ITGA2: variants seen among roughly 807,000 people sequenced by gnomAD.
ITGA2 encodes the protein integrin subunit alpha 2.
Under a neutral mutation model 146.3 loss-of-function variants are expected in ITGA2, and 101 were observed. That is an observed-to-expected ratio of 0.69 (90% CI 0.59 to 0.81). The LOEUF (loss-of-function observed/expected upper bound fraction) is 0.81, where lower values mean the gene tolerates loss of function less well. Among genes scored for constraint, ITGA2 ranks in the 40% least tolerant of loss-of-function variants. ITGA2 has a pLI of 0.00. For synonymous variants in ITGA2, 477 were observed against 487.1 expected (o/e 0.98, Z 0.27); for missense variants, 1,281 against 1,402.7 (o/e 0.91, Z 1.39).
In ITGA2 at chr5:53,070,094, T is replaced by A; in HGVS notation, c.2084-15T>A. 1 of 1,561,140 alleles carries A rather than the reference T, an allele frequency of 6.4e-7. No individual in the cohort carries two copies. Among genetic ancestry groups the A allele is most frequent in the Non-Finnish European group, 8.7e-7 (1 of 1,150,694 alleles). ...GATTTGAAATAACATTTCTTTATGATTTTTTTTATCATAGCCATTGTATAT... is the reference window on the plus strand; with the variant it reads ...GATTTGAAATAACATTTCTTTATGAATTTTTTTATCATAGCCATTGTATAT... On this transcript the variant is annotated splice_polypyrimidine_tract_variant and intron_variant, in intron 16 of 29. Coordinates refer to ENST00000296585, the MANE Select transcript of ITGA2 (RefSeq NM_002203.4).
At chr5:53,083,921 T>C (rs1324313328) in intron 27 of ITGA2, among the ~76,000 whole-genome samples, 1 of 152,230 alleles carries the variant, frequency 6.6e-6, no homozygotes, top group African/African-American at 2.4e-5. Flanking sequence ...CATAAAGATA[T>C]GTCTTCCTAT....
At position 53,039,739 on chromosome 5, in the gene ITGA2, C is replaced by CAA. The variant is rs1175067104; in HGVS notation, c.186-2349_186-2348dup. ...TAGGCAACAGAGTGAGACTCCATCT[C>CAA]AAAAAAAAAAAAAAAAAAAAAAAAA... is the stretch of plus-strand genomic sequence containing the variant. On this transcript the variant is annotated intron_variant, in intron 2 of 29. Coordinates refer to ENST00000296585, the MANE Select transcript of ITGA2 (RefSeq NM_002203.4). Among the ~76,000 whole-genome samples the CAA allele has an allele frequency of 6.5e-3, 215 of 33,082 alleles. 14 individuals are homozygous for CAA. The highest frequency in any genetic ancestry group is 0.017 in the Middle Eastern group (1 of 58). 21.7% of individuals were successfully genotyped at this position (33,082 alleles called of 152,430 possible).
chr5:53,033,302 A>G (rs3776787), intron 2 of ITGA2, among the ~76,000 whole-genome samples: 42,133 of 151,666 alleles, frequency 0.28, 5,920 homozygotes, highest in Admixed American at 0.32. Flanking sequence ...ACCTCTTCCT[A>G]TCCCCTCAAC....
intron 28 of ITGA2, 51 bp from the exon 29 acceptor site, chr5:53,089,895 C>T (rs1740329587): frequency 2.9e-6 from 3 of 1,050,168 alleles, no homozygotes; most frequent in Admixed American, 1.7e-5. Context: ...AGACCATCTC[C>T]CCCCTTTTTT....
chr5:53,020,843 G>A (rs1742646079), intron 1 of ITGA2, among the ~76,000 whole-genome samples: 1 of 149,940 alleles, frequency 6.7e-6, no homozygotes, highest in Non-Finnish European at 1.5e-5. Context: ...CACCATGTCC[G>A]GCTAATTTTT....
intron 1 of ITGA2, among the ~76,000 whole-genome samples, chr5:53,017,059 A>G (rs897124930): frequency 6.6e-6 from 1 of 152,038 alleles, no homozygotes; most frequent in East Asian, 1.9e-4. Flanking sequence ...CTTCATTTCT[A>G]TTCATATTGT....
Position 53,067,217 on chromosome 5 carries a change from C to T in ITGA2, c.2043C>T (p.Phe681=). Residue 681 remains phenylalanine, a synonymous_variant, in exon 16 of 30, where the codon TTC becomes TTT. Transcript: ENST00000296585. ...KNAQIILKLC[F]SAKFRPTKQN... Reference sequence around the variant, plus strand: ...CTCAGATAATTCTCAAACTCTGCTTCAGTGCAAAGTTCAGACCTACTAAGC... The same window carrying T: ...CTCAGATAATTCTCAAACTCTGCTTTAGTGCAAAGTTCAGACCTACTAAGC... 2 of 1,611,660 alleles carry T rather than the reference C, an allele frequency of 1.2e-6. No individual in the cohort carries two copies. Among genetic ancestry groups the T allele is most frequent in the Non-Finnish European group, 1.7e-6 (2 of 1,178,692 alleles).
chr5:53,023,533 G>A (rs978653628), intron 1 of ITGA2, among the ~76,000 whole-genome samples: 2 of 152,098 alleles, frequency 1.3e-5, no homozygotes, highest in African/African-American at 4.8e-5. Flanking sequence ...TAATGGAAAT[G>A]CAAAGAGAAC....
At chr5:53,086,882 C>A in intron 27 of ITGA2, 70 bp from the exon 28 acceptor site, 1 of 1,210,024 alleles carries the variant, frequency 8.3e-7, no homozygotes, top group South Asian at 1.2e-5. Flanking sequence ...ATACATAAAT[C>A]ATAAGCATGC....
Position 53,080,535 on chromosome 5 carries a change from A to G in ITGA2, c.2953A>G (p.Ser985Gly). ...GGTAACAACAGGAAGTGTTCCAGTA[A>G]GCATGGCAACTGTAATCATCCACAT... ...LKVTTGSVPV[S>G]MATVIIHIPQ... Residue 985 changes from serine (S) to glycine (G), a missense_variant, in exon 25 of 30, where the codon AGC becomes GGC. Ser to Gly is a moderately conservative substitution (Grantham distance 56). Transcript: ENST00000296585. The G allele has an allele frequency of 1.2e-6, 2 of 1,613,620 alleles. No individual in the cohort carries two copies. Among genetic ancestry groups the G allele is most frequent in the African/African-American group, 1.3e-5 (1 of 74,996 alleles).
chr5:53,055,804 G>T, intron 8 of ITGA2, 116 bp downstream of exon 8: 1 of 1,330,618 alleles, frequency 7.5e-7, no homozygotes, highest in Non-Finnish European at 1.1e-6. Context: ...ATAAAAGAAA[G>T]TTCTTACTCT....
intron 28 of ITGA2, among the ~76,000 whole-genome samples, chr5:53,088,685 C>CA (rs5867861): frequency 0.31 from 32,862 of 105,570 alleles, 4,678 homozygotes; most frequent in East Asian, 0.4. Flanking sequence ...GACTCTGTCT[C>CA]AAAAAAAAAA....
chr5:53,050,579 A>T (rs1172315116), intron 6 of ITGA2, among the ~76,000 whole-genome samples: 1 of 152,102 alleles, frequency 6.6e-6, no homozygotes, highest in Non-Finnish European at 1.5e-5. Flanking sequence ...ACCTCCTTAC[A>T]TACTGACCTG....
At chr5:53,026,517 G>T (rs971654713) in intron 1 of ITGA2, among the ~76,000 whole-genome samples, 7 of 152,136 alleles carry the variant, frequency 4.6e-5, no homozygotes. Context: ...CTATCTTCTA[G>T]CATTTCCATG....
intron 1 of ITGA2, among the ~76,000 whole-genome samples, chr5:53,012,581 T>C (rs915913458): frequency 6.6e-6 from 1 of 152,188 alleles, no homozygotes; most frequent in Non-Finnish European, 1.5e-5. Flanking sequence ...TGTGTCTTTA[T>C]GGTAAAACAA....
chr5:53,042,049 C>G, intron 2 of ITGA2, 63 bp from the exon 3 acceptor site: 1 of 954,666 alleles, frequency 1.0e-6, no homozygotes, highest in South Asian at 1.3e-5. Context: ...TGTTTGTGAT[C>G]AGGTTTATCT....
intron 27 of ITGA2, among the ~76,000 whole-genome samples, chr5:53,083,760 C>T (rs1746031983): frequency 6.6e-6 from 1 of 152,142 alleles, no homozygotes; most frequent in Non-Finnish European, 1.5e-5. Flanking sequence ...AAGGGGCAGC[C>T]TGCTTTGTCC....
chr5:53,059,875 A>T lies in ITGA2; in HGVS notation c.1175A>T (p.Asp392Val), dbSNP rs1392945070. The T allele has an allele frequency of 2.5e-6, 4 of 1,611,548 alleles. No individual in the cohort carries two copies. Among genetic ancestry groups the T allele is most frequent in the Non-Finnish European group, 8.5e-7 (1 of 1,178,612 alleles). ...ATCTTCATTTTTCAATTATTTTAGGATATTCTGATGCTGGGTGCAGTGGGA... is the reference window on the plus strand; with the variant it reads ...ATCTTCATTTTTCAATTATTTTAGGTTATTCTGATGCTGGGTGCAGTGGGA... ...GFSADYSSQNDILMLGAVGAF... is the reference protein window; with the variant it reads ...GFSADYSSQNVILMLGAVGAF... The change falls in exon 11 of 30, where the codon GAT (aspartate) becomes GTT (valine). Residue 392 changes from aspartate (D) to valine (V), a missense_variant and splice_region_variant. This residue lies in a region of ITGA2 where 795 missense variants were observed against 841.7 expected (regional missense o/e 0.94). Coordinates refer to ENST00000296585, the MANE Select transcript of ITGA2 (RefSeq NM_002203.4).
At position 52,989,360 on chromosome 5, in the gene ITGA2, C is replaced by T; in HGVS notation, c.-109C>T. 3 of 1,168,744 alleles carry T rather than the reference C, an allele frequency of 2.6e-6. No homozygotes were observed. The highest frequency in any genetic ancestry group is 1.8e-5 in the Admixed American group (1 of 55,584). 72.4% of individuals were successfully genotyped at this position (1,168,744 alleles called of 1,614,324 possible). A position where few individuals can be genotyped will look rare whatever the true frequency, so the allele number is the denominator to read the frequency against. Reference sequence around the variant, plus strand: ...CTCTCACCGGGCGGGGGAGAGAAGCCCTCTGGACAGCTTCTAGAGTGTGCA... The same window carrying T: ...CTCTCACCGGGCGGGGGAGAGAAGCTCTCTGGACAGCTTCTAGAGTGTGCA... On this transcript the variant is annotated 5_prime_UTR_variant, in exon 1 of 30. Transcript: ENST00000296585.
Sources: allele counts gnomAD v4.1 joint callset (sites outside exome capture counted in the v4.1 genomes callset), GRCh38; gene constraint gnomAD v4.1.1; regional missense constraint gnomAD v4.1.1; transcripts MANE v1.5; gene names NCBI Gene and HGNC (gene_info 2026-07-23, HGNC 2026-07-21).